Variants in KDM8 observed in about 807,000 individuals in gnomAD.
The protein encoded by KDM8 is bifunctional peptidase and arginyl-hydroxylase JMJD5.
Under a neutral mutation model 46.9 loss-of-function variants are expected in KDM8, and 35 were observed. The observed-to-expected ratio is 0.75, with a 90% CI of 0.57 to 0.99. KDM8 has a LOEUF of 0.99. Ranked by LOEUF, KDM8 falls within the 50% of genes least tolerant of loss-of-function variation. The pLI is 0.00. For synonymous variants in KDM8, 232 were observed against 227.7 expected (o/e 1.02, Z -0.17); for missense variants, 475 against 537.0 (o/e 0.88, Z 1.14).
intron 3 of KDM8, 24 bp from the exon 4 acceptor site, chr16:27,214,852 T>C: frequency 6.2e-7 from 1 of 1,613,748 alleles, no homozygotes; most frequent in African/African-American, 1.3e-5. Context: ...GCAGTGACGA[T>C]GCCAATGTGT....
intron 2 of KDM8, among the ~76,000 whole-genome samples, chr16:27,210,955 T>A (rs967050525): frequency 2.6e-5 from 4 of 152,176 alleles, no homozygotes; most frequent in African/African-American, 9.6e-5. Flanking sequence ...ATTTATTTTT[T>A]ATTTTTTGTA....
Position 27,214,933 on chromosome 16 carries a change from G to A in KDM8, c.723G>A (p.Ser241=), listed in dbSNP as rs375385624. 87 of 1,614,056 alleles carry A rather than the reference G, an allele frequency of 5.4e-5. No homozygotes were observed. Among genetic ancestry groups the A allele is most frequent in the Non-Finnish European group, 6.8e-5 (80 of 1,180,022 alleles). Residue 241 remains serine, a synonymous_variant, in exon 4 of 8, where the codon TCG becomes TCA. Transcript: ENST00000286096. ...GCRTVPVEVG[S]RYTDEEWSQT... ...GAACTGTCCCAGTGGAAGTTGGTTC[G>A]AGGTACACAGATGAGGAATGGTCCC...
chr16:27,220,897 C>G lies in KDM8; in HGVS notation c.*167C>G. The G allele has an allele frequency of 3.7e-6, 3 of 805,304 alleles. No individual in the cohort carries two copies. The highest frequency in any genetic ancestry group is 6.3e-6 in the Non-Finnish European group (3 of 477,536). The allele number at this position is 805,304 out of a possible 1,614,324, so 49.9% of individuals were successfully genotyped here. A position where few individuals can be genotyped will look rare whatever the true frequency, so the allele number is the denominator to read the frequency against. The stretch of plus-strand genomic sequence containing the variant: ...GCTGAGCTCCAGCACTGGACAGGCA[C>G]AGAGCAGGGGCTGCCCAGGAAGGAG... On this transcript the variant is annotated 3_prime_UTR_variant, in exon 8 of 8. Transcript: ENST00000286096.
chr16:27,220,428 G>T lies in KDM8; in HGVS notation c.1029G>T (p.Pro343=), dbSNP rs753613325. ...GGAAGTACATCCGGCTGTATTCCCCGCAGGAGTCAGGGGCTCTGTACCCTC... is the reference window on the plus strand; with the variant it reads ...GGAAGTACATCCGGCTGTATTCCCCTCAGGAGTCAGGGGCTCTGTACCCTC... ...MGRKYIRLYS[P]QESGALYPHD... is the part of the protein sequence containing the mutation. Residue 343 remains proline (P), a synonymous_variant, in exon 7 of 8, where the codon CCG becomes CCT. Transcript: ENST00000286096. The T allele has an allele frequency of 1.2e-6, 2 of 1,613,944 alleles. No individual in the cohort carries two copies. The highest frequency in any genetic ancestry group is 3.3e-5 in the Admixed American group (2 of 60,000).
At chr16:27,215,117 C>A in intron 4 of KDM8, 109 bp downstream of exon 4, 1 of 1,289,390 alleles carries the variant, frequency 7.8e-7, no homozygotes, top group African/African-American at 1.5e-5. Context: ...AGGAGCCAGG[C>A]TGTAAGTCTG....
rs190608226 is a variant in KDM8 at position 27,203,530 on chromosome 16, C to T, written c.-138C>T. ...GACGAGCGGTGAGCGATCGATACTC[C>T]TATGCTAGCCTCTGGCTCCTCAGGG... is the stretch of plus-strand genomic sequence containing the variant. On this transcript the variant is annotated 5_prime_UTR_variant, in exon 1 of 8. Transcript: ENST00000286096. 6.5e-6 allele frequency: 1 copy of T among 152,888 alleles called. No homozygotes were observed. The highest frequency in any genetic ancestry group is 1.9e-4 in the East Asian group (1 of 5,194). The allele number at this position is 152,888 out of a possible 1,614,324, so 9.5% of individuals were successfully genotyped here.
intron 4 of KDM8, among the ~76,000 whole-genome samples, chr16:27,215,396 A>G (rs572087933): frequency 1.3e-5 from 2 of 152,162 alleles, no homozygotes; most frequent in Non-Finnish European, 2.9e-5. Context: ...CCTGGGAAAC[A>G]TAGTGAAACC....
chr16:27,210,667 C>G (rs756189045), intron 2 of KDM8, 46 bp downstream of exon 2: 13 of 1,481,222 alleles, frequency 8.8e-6, no homozygotes, highest in Non-Finnish European at 1.2e-5. Flanking sequence ...ATCCAGCAAC[C>G]CTGTTGTTCT....
At chr16:27,216,031 C>A in intron 5 of KDM8, 42 bp downstream of exon 5, 1 of 1,605,648 alleles carries the variant, frequency 6.2e-7, no homozygotes, top group Non-Finnish European at 8.5e-7. Flanking sequence ...ACCGTCTCAC[C>A]TTCCCCTCTC....
At position 27,210,136 on chromosome 16, in the gene KDM8, A is replaced by C. The variant is rs2083466498; in HGVS notation, c.13A>C (p.Thr5Pro). 1 of 1,612,386 alleles carries C rather than the reference A, an allele frequency of 6.2e-7. No homozygotes were observed. The highest frequency in any genetic ancestry group is 8.5e-7 in the Non-Finnish European group (1 of 1,179,502). The change falls in exon 2 of 8, where the codon ACC becomes CCC. Residue 5 changes from threonine to proline, a missense_variant. Physicochemically the swap from Thr to Pro is conservative, Grantham distance 38 (BLOSUM62 -1). Transcript: ENST00000286096. ...TGGTGGTGGCCCGATGGCTGGAGAC[A>C]CCCACTGCCCCGCAGAGCCCCTGGC... Reference protein sequence around the residue: MAGDTHCPAEPLARE... With the variant: MAGDPHCPAEPLARE...
At chr16:27,216,521 G>C (rs1017331233) in intron 5 of KDM8, among the ~76,000 whole-genome samples, 5 of 152,212 alleles carry the variant, frequency 3.3e-5, no homozygotes, top group African/African-American at 1.2e-4. Flanking sequence ...GAACGTGGAA[G>C]ACTCGAGTCA....
At chr16:27,206,780 C>T (rs1226211599) in intron 1 of KDM8, among the ~76,000 whole-genome samples, 1 of 152,232 alleles carries the variant, frequency 6.6e-6, no homozygotes, top group Non-Finnish European at 1.5e-5. Flanking sequence ...TGACCTGTGG[C>T]TCGCACCTGA....
rs193200821 is a variant in KDM8, at chr16:27,218,953, G to T, written c.844-8G>T. The stretch of plus-strand genomic sequence containing the variant: ...CCCCACATCTCATGTCTGCTCTGCC[G>T]CCCACAGATCCCGGAGTTGAAGCAG... On this transcript the variant is annotated splice_region_variant and splice_polypyrimidine_tract_variant and intron_variant, in intron 5 of 7. Coordinates refer to ENST00000286096, the MANE Select transcript of KDM8 (RefSeq NM_024773.3). 1 of 1,613,942 alleles carries T rather than the reference G, an allele frequency of 6.2e-7. No homozygotes were observed. Among genetic ancestry groups the T allele is most frequent in the Admixed American group, 1.7e-5 (1 of 59,994 alleles).
chr16:27,218,863 A>G (rs2083583633), intron 5 of KDM8, 98 bp from the exon 6 acceptor site: 2 of 1,344,320 alleles, frequency 1.5e-6, no homozygotes, highest in Admixed American at 3.5e-5. Flanking sequence ...ACACACACAT[A>G]ATGGATATAG....
Position 27,220,754 on chromosome 16 carries a change from T to C in KDM8, c.*24T>C. Reference sequence around the variant, plus strand: ...AGCCAGGATAGGAGCTGAAAGGGCCTGACATGCAGACAGCATTCATCTGTT... The same window carrying C: ...AGCCAGGATAGGAGCTGAAAGGGCCCGACATGCAGACAGCATTCATCTGTT... On this transcript the variant is annotated 3_prime_UTR_variant, in exon 8 of 8. Transcript: ENST00000286096. The C allele has an allele frequency of 6.2e-7, 1 of 1,613,250 alleles. No individual in the cohort carries two copies. Among genetic ancestry groups the C allele is most frequent in the Non-Finnish European group, 8.5e-7 (1 of 1,179,160 alleles).
chr16:27,210,220 C>A lies in KDM8; in HGVS notation c.97C>A (p.Leu33Met), dbSNP rs1432609546. ...RALLPHSKED[L>M]KLDLGEKVER... Reference sequence around the variant, plus strand: ...GCTCCTGCCGCACAGTAAAGAAGACCTGAAGTTGGACCTCGGGGAGAAAGT... The same window carrying A: ...GCTCCTGCCGCACAGTAAAGAAGACATGAAGTTGGACCTCGGGGAGAAAGT... The change falls in exon 2 of 8, where the codon CTG (leucine) becomes ATG (methionine). Residue 33 changes from leucine (L) to methionine (M), a missense_variant. Transcript: ENST00000286096. 1.9e-6 allele frequency: 3 copies of A among 1,613,376 alleles called. No individual in the cohort carries two copies. The highest frequency in any genetic ancestry group is 2.2e-5 in the East Asian group (1 of 44,888).
chr16:27,208,362 C>T (rs760567659), intron 1 of KDM8, among the ~76,000 whole-genome samples: 19 of 152,138 alleles, frequency 1.2e-4, no homozygotes, highest in African/African-American at 2.9e-4. Flanking sequence ...GGCTGATAGG[C>T]GCCCTGTGAG....
Position 27,210,514 on chromosome 16 carries a change from G to T in KDM8, c.391G>T (p.Ala131Ser). The part of the protein sequence containing the change: ...RVCDMGLLMG[A>S]AILGDILLKV... ...CTGTGACATGGGCCTGCTGATGGGGGCAGCCATCCTGGGGGACATCCTTCT... is the reference window on the plus strand; with the variant it reads ...CTGTGACATGGGCCTGCTGATGGGGTCAGCCATCCTGGGGGACATCCTTCT... Residue 131 changes from alanine (A) to serine (S), a missense_variant, in exon 2 of 8, where the codon GCA becomes TCA. By Grantham distance (99) the Ala-to-Ser change is moderately conservative (BLOSUM62 1). Transcript: ENST00000286096. 1 of 1,558,078 alleles carries T rather than the reference G, an allele frequency of 6.4e-7. No homozygotes were observed. Among genetic ancestry groups the T allele is most frequent in the Non-Finnish European group, 8.7e-7 (1 of 1,148,666 alleles).
At chr16:27,216,699 A>C (rs2083558382) in intron 5 of KDM8, among the ~76,000 whole-genome samples, 1 of 152,128 alleles carries the variant, frequency 6.6e-6, no homozygotes, top group South Asian at 2.1e-4. Flanking sequence ...AGGAGCCTTC[A>C]TGCCGACATT....
Sources: gnomAD v4.1 joint callset for allele counts (sites outside exome capture counted in the v4.1 genomes callset) on GRCh38, gnomAD v4.1.1 for gene constraint, MANE v1.5 for transcripts, NCBI Gene and HGNC (gene_info 2026-07-23, HGNC 2026-07-21) for gene names.